TLK2: variants seen among roughly 807,000 people sequenced by gnomAD.
TLK2 encodes the protein tousled like kinase 2, also known as serine/threonine-protein kinase tousled-like 2.
A neutral mutation model predicts 117.3 loss-of-function variants in TLK2; 6 were observed. The observed-to-expected ratio is 0.05, with a 90% CI of 0.03 to 0.10. The LOEUF is 0.10. Ranked by LOEUF, TLK2 falls within the 10% of genes least tolerant of loss-of-function variation. The pLI is 1.00. For missense variants in TLK2, 299 were observed against 901.2 expected (o/e 0.33, Z 8.56); for synonymous variants, 257 against 316.7 (o/e 0.81, Z 2.00).
intron 13 of TLK2, among the ~76,000 whole-genome samples, 188 bp downstream of exon 13, chr17:62,576,963 C>CTTTTTTT (rs1395900900): frequency 1.3e-4 from 9 of 70,560 alleles, no homozygotes; most frequent in South Asian, 5.4e-4. Flanking sequence ...TTTCTTTCTT[C>CTTTTTTT]TTCTTTTTTT....
At chr17:62,542,071 C>G (rs1007727251) in intron 7 of TLK2, among the ~76,000 whole-genome samples, 2 of 152,192 alleles carry the variant, frequency 1.3e-5, no homozygotes, top group African/African-American at 2.4e-5. Flanking sequence ...ATTTCCTCTT[C>G]TATTGGTGAG....
chr17:62,520,159 T>C (rs1321189348), intron 2 of TLK2, among the ~76,000 whole-genome samples: 1 of 152,130 alleles, frequency 6.6e-6, no homozygotes, highest in East Asian at 1.9e-4. Context: ...TCTTGGCTTG[T>C]CTCTCCTGTT....
intron 7 of TLK2, among the ~76,000 whole-genome samples, chr17:62,542,426 T>G (rs2077602843): frequency 1.3e-5 from 2 of 151,404 alleles, no homozygotes. Flanking sequence ...CAACTTTAAG[T>G]AAGATCTGTT....
upstream of TLK2, among the ~76,000 whole-genome samples, chr17:62,476,302 G>A (rs990396124): frequency 3.9e-5 from 6 of 151,950 alleles, no homozygotes; most frequent in East Asian, 5.9e-4. Flanking sequence ...TGGGATCATC[G>A]GCCAGGCGCG....
At chr17:62,608,007 AG>A in intron 20 of TLK2, 33 bp from the exon 21 acceptor site, 1 of 1,545,988 alleles carries the variant, frequency 6.5e-7, no homozygotes, top group Non-Finnish European at 8.8e-7. Flanking sequence ...TTTTCATCAG[AG>A]GCCTACATTA....
chr17:62,545,213 G>A (rs1454507463), intron 7 of TLK2, among the ~76,000 whole-genome samples: 3 of 152,142 alleles, frequency 2.0e-5, no homozygotes, highest in Non-Finnish European at 4.4e-5. Flanking sequence ...ATTTTTAGTA[G>A]AGATGGTTTC....
At position 62,471,373 on chromosome 17, in the gene TLK2, A is replaced by T. The variant is rs149922916; in HGVS notation, c.-205+295A>T. On this transcript the variant is annotated intron_variant, in intron 1 of 4. Transcript: ENST00000579450. ...TCTGAAAGAATGAATGAGTGAAGTG[A>T]CTTCCTGTCTTGTGAGGTTTTTCTC... Among the ~76,000 whole-genome samples, 982 of 152,312 alleles carry T rather than the reference A, an allele frequency of 6.4e-3. 33 individuals are homozygous for T. The East Asian group carries it at 0.085, about 13-fold the overall frequency.
chr17:62,577,971 T>G (rs558367389), intron 13 of TLK2, among the ~76,000 whole-genome samples: 8 of 152,236 alleles, frequency 5.3e-5, no homozygotes, highest in African/African-American at 1.9e-4. Context: ...CACTTGGACC[T>G]GGGAGGCGGA....
At chr17:62,501,263 A>T (rs1567801266) in intron 2 of TLK2, among the ~76,000 whole-genome samples, 3 of 152,104 alleles carry the variant, frequency 2.0e-5, no homozygotes, top group Admixed American at 6.6e-5. Flanking sequence ...AAATATTTGT[A>T]ATTAAATGAA....
At chr17:62,602,294 C>T in intron 19 of TLK2, 114 bp downstream of exon 19, 1 of 1,050,012 alleles carries the variant, frequency 9.5e-7, no homozygotes, top group Non-Finnish European at 1.3e-6. Context: ...ATGCCATAAA[C>T]CAAAGCAGAC....
chr17:62,552,524 A>G, intron 8 of TLK2, 127 bp downstream of exon 8: 2 of 1,468,756 alleles, frequency 1.4e-6, no homozygotes, highest in Non-Finnish European at 1.8e-6. Context: ...ATTTGTGTGT[A>G]TTATATTCAT....
intron 6 of TLK2, 119 bp from the exon 7 acceptor site, chr17:62,536,051 G>T (rs1339382386): frequency 1.1e-5 from 13 of 1,165,516 alleles, no homozygotes; most frequent in Non-Finnish European, 1.4e-5. Flanking sequence ...TTTTTAGAGA[G>T]GCCTTTTTAA....
chr17:62,499,101 G>A (rs1268364096), intron 2 of TLK2, among the ~76,000 whole-genome samples: 1 of 151,994 alleles, frequency 6.6e-6, no homozygotes, highest in Non-Finnish European at 1.5e-5. Context: ...AGCACTTTGG[G>A]AGGCTGAGGT....
chr17:62,507,355 A>T (rs1253750780), intron 2 of TLK2: 1 of 152,174 alleles, frequency 6.6e-6, no homozygotes, highest in Non-Finnish European at 1.5e-5. Flanking sequence ...AGAACTTAAC[A>T]GATTTCACAT....
chr17:62,492,926 A>G (rs2073252542), intron 2 of TLK2, among the ~76,000 whole-genome samples: 1 of 151,786 alleles, frequency 6.6e-6, no homozygotes, highest in Non-Finnish European at 1.5e-5. Flanking sequence ...TGAAACCCCA[A>G]CTCTACTAAA....
At chr17:62,534,950 G>A (rs1178390314) in intron 6 of TLK2, among the ~76,000 whole-genome samples, 1 of 146,088 alleles carries the variant, frequency 6.8e-6, no homozygotes, top group African/African-American at 2.6e-5. Context: ...GTGCAGTGGC[G>A]CAATCTGGGC....
intron 20 of TLK2, among the ~76,000 whole-genome samples, chr17:62,607,388 G>T (rs987118706): frequency 6.6e-6 from 1 of 151,824 alleles, no homozygotes; most frequent in African/African-American, 2.4e-5. Context: ...AATTAGCCGG[G>T]CGTGGTGGCG....
chr17:62,512,774 A>C (rs1026037723), intron 2 of TLK2, among the ~76,000 whole-genome samples: 2 of 149,534 alleles, frequency 1.3e-5, no homozygotes, highest in African/African-American at 4.9e-5. Flanking sequence ...AGTTGTAGAG[A>C]TTTTTCTCCC....
intron 2 of TLK2, chr17:62,516,177 G>A (rs1219312083): frequency 7.0e-5 from 39 of 557,456 alleles, no homozygotes; most frequent in Non-Finnish European, 9.0e-5. Context: ...CGCTCACCTC[G>A]GCCTCCCAAA....
Sources: gnomAD v4.1 joint callset for allele counts (sites outside exome capture counted in the v4.1 genomes callset) on GRCh38, gnomAD v4.1.1 for gene constraint, MANE v1.5 for transcripts, NCBI Gene and HGNC (gene_info 2026-07-23, HGNC 2026-07-21) for gene names.